KDM8: variants seen among roughly 807,000 people sequenced by gnomAD.
KDM8 encodes the protein bifunctional peptidase and arginyl-hydroxylase JMJD5.
A neutral mutation model predicts 46.9 loss-of-function variants in KDM8; 35 were observed. The ratio of observed to expected loss-of-function variants is 0.75; its 90% confidence interval spans 0.57 to 0.99. The LOEUF (loss-of-function observed/expected upper bound fraction) is 0.99, where lower values mean the gene tolerates loss of function less well. Among genes scored for constraint, KDM8 ranks in the 50% least tolerant of loss-of-function variants. KDM8 has a pLI of 0.00. For missense variants in KDM8, 475 were observed against 537.0 expected, an observed-to-expected ratio of 0.88 and a Z score of 1.14; for synonymous variants, 232 against 227.7, an observed-to-expected ratio of 1.02 and a Z score of -0.17.
chr16:27,220,528 C>T (rs1201624141), intron 7 of KDM8, 38 bp from the exon 8 acceptor site: 1 of 1,613,980 alleles, frequency 6.2e-7, no homozygotes, highest in East Asian at 2.2e-5. Context: ...GTTCTCCCCA[C>T]TGCCCCTGGA....
intron 2 of KDM8, chr16:27,211,425 C>G (rs924082853): frequency 3.1e-6 from 1 of 325,608 alleles, no homozygotes; most frequent in Non-Finnish European, 6.1e-6. Context: ...AGAGCACCCC[C>G]AGGAACAGAG....
At chr16:27,205,791 T>A (rs2083422747) in intron 1 of KDM8, among the ~76,000 whole-genome samples, 1 of 152,248 alleles carries the variant, frequency 6.6e-6, no homozygotes, top group Non-Finnish European at 1.5e-5. Flanking sequence ...TGAGGCGGGA[T>A]CGCACCATTG....
At position 27,215,013 on chromosome 16, in the gene KDM8, A is replaced by C; in HGVS notation, c.798+5A>C. 1 of 1,614,054 alleles carries C rather than the reference A, an allele frequency of 6.2e-7. No homozygotes were observed. The highest frequency in any genetic ancestry group is 8.5e-7 in the Non-Finnish European group (1 of 1,179,938). ...AGCAAATACATCGTGAATGAGGTAC[A>C]TCATGGGGACTGCTTTCCCCTAGTA... On this transcript the variant is annotated splice_donor_5th_base_variant and intron_variant, in intron 4 of 7. Coordinates refer to ENST00000286096, the MANE Select transcript of KDM8 (RefSeq NM_024773.3).
chr16:27,220,379 G>GTC lies in KDM8; in HGVS notation c.994-7_994-6dup. ...GTGAGGCCACCAGCTGACTGTCAGG[G>GTC]TCTCTCTCCCCAGGTGATGGGGAGG... On this transcript the variant is annotated splice_polypyrimidine_tract_variant and intron_variant, in intron 6 of 7. Transcript: ENST00000286096. 6.2e-7 allele frequency: 1 copy of GTC among 1,611,306 alleles called. No individual in the cohort carries two copies. The highest frequency in any genetic ancestry group is 8.5e-7 in the Non-Finnish European group (1 of 1,177,528).
At chr16:27,216,134 G>A (rs1370339470) in intron 5 of KDM8, 145 bp downstream of exon 5, 1 of 808,822 alleles carries the variant, frequency 1.2e-6, no homozygotes, top group Non-Finnish European at 2.0e-6. Context: ...CGTGGGTGAT[G>A]AGGAGCCATT....
At chr16:27,219,250 CA>C (rs889634191) in intron 6 of KDM8, 140 bp downstream of exon 6, 2 of 921,040 alleles carry the variant, frequency 2.2e-6, no homozygotes, top group African/African-American at 3.4e-5. Context: ...AAATATAAAG[CA>C]AACCCACAAA....
chr16:27,217,916 C>T (rs571439181), intron 5 of KDM8, among the ~76,000 whole-genome samples: 2 of 152,104 alleles, frequency 1.3e-5, no homozygotes, highest in South Asian at 4.2e-4. Flanking sequence ...GTGGCCTGCT[C>T]TGGTGGGTTC....
intron 2 of KDM8, among the ~76,000 whole-genome samples, chr16:27,212,123 A>G (rs758785317): frequency 7.2e-5 from 11 of 152,234 alleles, no homozygotes; most frequent in African/African-American, 2.7e-4. Flanking sequence ...ATAGGGAAAA[A>G]ATCTTGAGCC....
Position 27,220,942 on chromosome 16 carries a change from G to T in KDM8, c.*212G>T. 1.6e-6 allele frequency: 1 copy of T among 639,984 alleles called. No individual in the cohort carries two copies. The highest frequency in any genetic ancestry group is 2.8e-6 in the Non-Finnish European group (1 of 354,828). The allele number at this position is 639,984 out of a possible 1,614,324, so 39.6% of individuals were successfully genotyped here. On this transcript the variant is annotated 3_prime_UTR_variant, in exon 8 of 8. Coordinates refer to ENST00000286096, the MANE Select transcript of KDM8 (RefSeq NM_024773.3). Reference sequence around the variant, plus strand: ...AAGGAGCACACTCCAGGCCAGGGGTGCATGGCAGAGGAAGGTGGGGAGAGC... The same window carrying T: ...AAGGAGCACACTCCAGGCCAGGGGTTCATGGCAGAGGAAGGTGGGGAGAGC...
At position 27,210,162 on chromosome 16, in the gene KDM8, C is replaced by A. The variant is rs759290113; in HGVS notation, c.39C>A (p.Ala13=). ...CCCACTGCCCCGCAGAGCCCCTGGC[C>A]AGAGAAGGCACTTTATGGGAGGCCC... ...GDTHCPAEPL[A]REGTLWEALR... The change falls in exon 2 of 8, where the codon GCC becomes GCA. Residue 13 remains alanine (A), a synonymous_variant. Coordinates refer to ENST00000286096, the MANE Select transcript of KDM8 (RefSeq NM_024773.3). 9.9e-6 allele frequency: 16 copies of A among 1,613,386 alleles called. No individual in the cohort carries two copies. Among genetic ancestry groups the A allele is most frequent in the Non-Finnish European group, 1.2e-5 (14 of 1,180,036 alleles).
chr16:27,215,048 C>T (rs1567265114), intron 4 of KDM8, 40 bp downstream of exon 4: 1 of 1,609,820 alleles, frequency 6.2e-7, no homozygotes, highest in East Asian at 2.2e-5. Flanking sequence ...ACTTGCAAGG[C>T]AGAGAGCATA....
chr16:27,204,010 T>C (rs1596640150), intron 1 of KDM8: 2 of 1,179,376 alleles, frequency 1.7e-6, no homozygotes, highest in East Asian at 2.6e-5. Flanking sequence ...CTGCTATATG[T>C]GTGTCCGCTG....
intron 2 of KDM8, among the ~76,000 whole-genome samples, chr16:27,212,147 A>G (rs942801830): frequency 3.9e-5 from 6 of 152,224 alleles, no homozygotes; most frequent in Non-Finnish European, 8.8e-5. Flanking sequence ...GGAGGTAGAA[A>G]TCCAGGAACC....
chr16:27,215,021 G>T lies in KDM8; in HGVS notation c.798+13G>T. On this transcript the variant is annotated intron_variant, in intron 4 of 7. Coordinates refer to ENST00000286096, the MANE Select transcript of KDM8 (RefSeq NM_024773.3). ...CATCGTGAATGAGGTACATCATGGG[G>T]ACTGCTTTCCCCTAGTACTTGCAAG... 1 of 1,613,918 alleles carries T rather than the reference G, an allele frequency of 6.2e-7. No individual in the cohort carries two copies. The highest frequency in any genetic ancestry group is 8.5e-7 in the Non-Finnish European group (1 of 1,179,844).
At chr16:27,216,510 C>T (rs992972746) in intron 5 of KDM8, among the ~76,000 whole-genome samples, 10 of 152,136 alleles carry the variant, frequency 6.6e-5, no homozygotes, top group African/African-American at 1.9e-4. Context: ...GTGCGTGTCC[C>T]GAACGTGGAA....
chr16:27,205,907 T>C (rs1431775081), intron 1 of KDM8, among the ~76,000 whole-genome samples: 1 of 152,236 alleles, frequency 6.6e-6, no homozygotes, highest in African/African-American at 2.4e-5. Context: ...TGTTGAGCTC[T>C]GGGAGACTGA....
chr16:27,206,312 A>ACCC, intron 1 of KDM8: 1 of 632,982 alleles, frequency 1.6e-6, no homozygotes, highest in East Asian at 1.4e-4. Flanking sequence ...TTGCTCTGTC[A>ACCC]CCCAAGCTGG....
intron 2 of KDM8, 51 bp from the exon 3 acceptor site, chr16:27,213,534 T>C (rs1281555443): frequency 1.3e-6 from 2 of 1,589,382 alleles, no homozygotes; most frequent in African/African-American, 1.3e-5. Context: ...ATACCTCAAA[T>C]GTCGACTTCC....
chr16:27,219,356 C>T (rs1053679208), intron 6 of KDM8, among the ~76,000 whole-genome samples: 5 of 152,196 alleles, frequency 3.3e-5, no homozygotes, highest in African/African-American at 1.2e-4. Flanking sequence ...GGGGAGCCCT[C>T]GGGAGAGGGA....
Sources: allele counts gnomAD v4.1 joint callset (sites outside exome capture counted in the v4.1 genomes callset), GRCh38; gene constraint gnomAD v4.1.1; transcripts MANE v1.5; gene names NCBI Gene and HGNC (gene_info 2026-07-23, HGNC 2026-07-21).